AKAP10: variants seen among roughly 807,000 people sequenced by gnomAD.
AKAP10 encodes A-kinase anchor protein 10, mitochondrial.
AKAP10 carries 24 observed loss-of-function variants against 80.8 expected under a neutral mutation model. The observed-to-expected ratio is 0.30, with a 90% CI of 0.22 to 0.42. AKAP10 has a LOEUF of 0.42. AKAP10 is among the 10% of genes least tolerant of loss of function. The probability of loss-of-function intolerance (pLI) is 1.00; values close to 1 mark genes in which losing one functional copy is unlikely to be tolerated. For missense variants in AKAP10, 661 were observed against 794.9 expected (o/e 0.83, Z 2.03); for synonymous variants, 291 against 277.7 (o/e 1.05, Z -0.48).
chr17:19,956,789 G>A (rs2043281569), intron 4 of AKAP10, among the ~76,000 whole-genome samples: 2 of 151,496 alleles, frequency 1.3e-5, no homozygotes, highest in African/African-American at 4.9e-5. Context: ...TGGGTCACTT[G>A]AGGTCAGGAG....
At chr17:19,976,637 A>G (rs989435301) in intron 1 of AKAP10, among the ~76,000 whole-genome samples, 4 of 151,734 alleles carry the variant, frequency 2.6e-5, no homozygotes, top group African/African-American at 9.7e-5. Flanking sequence ...CTCCTGCTTC[A>G]GCCTCCCAAG....
At position 19,962,820 on chromosome 17, in the gene AKAP10, A is replaced by T; in HGVS notation, c.319+20T>A. On this transcript the variant is annotated intron_variant, in intron 3 of 14. Coordinates refer to ENST00000225737, the MANE Select transcript of AKAP10 (RefSeq NM_007202.4). ...TCAAATCCTTCTAATACAAGTTAAT[A>T]AAAAATGATAGTTACTTACCCAGGT... 6.2e-7 allele frequency: 1 copy of T among 1,604,914 alleles called. No homozygotes were observed.
chr17:19,946,791 C>T (rs2043137860), intron 5 of AKAP10, among the ~76,000 whole-genome samples: 2 of 151,410 alleles, frequency 1.3e-5, no homozygotes, highest in Admixed American at 1.3e-4. Context: ...ACAGAAATGA[C>T]ACTGTGTGTG....
rs1274129159 is a variant in AKAP10, at chr17:19,904,948, A to G, written c.*1279T>C. On this transcript the variant is annotated 3_prime_UTR_variant, in exon 15 of 15. Transcript: ENST00000225737. The stretch of plus-strand genomic sequence containing the variant: ...TGCCTCTATACAATCAAATATTGCA[A>G]TGGAATAAATTCTCTGTTCATTCAA... The G allele has an allele frequency of 2.0e-5, 3 of 151,582 alleles. No homozygotes were observed. Among genetic ancestry groups the G allele is most frequent in the Non-Finnish European group, 4.4e-5 (3 of 67,956 alleles). The allele number at this position is 151,582 out of a possible 1,614,324, so 9.4% of individuals were successfully genotyped here.
At chr17:19,937,975 CTTTTTTTTT>C (rs547191721) in intron 8 of AKAP10, among the ~76,000 whole-genome samples, 4 of 129,202 alleles carry the variant, frequency 3.1e-5, no homozygotes, top group African/African-American at 1.2e-4. Context: ...GACTGGAAAC[CTTTTTTTTT>C]TTTTTTTTTT....
Position 19,931,991 on chromosome 17 carries a change from A to G in AKAP10, c.1468-13T>C. 6.3e-7 allele frequency: 1 copy of G among 1,599,012 alleles called. No individual in the cohort carries two copies. Among genetic ancestry groups the G allele is most frequent in the Non-Finnish European group, 8.5e-7 (1 of 1,173,930 alleles). ...CAGGCAAAAAGACCTGATAGAGATG[A>G]AAAGCATTATTTTAAAGTTGAAATC... On this transcript the variant is annotated splice_polypyrimidine_tract_variant and intron_variant, in intron 9 of 14. Transcript: ENST00000225737.
intron 3 of AKAP10, among the ~76,000 whole-genome samples, chr17:19,961,524 T>C (rs533218161): frequency 4.6e-5 from 7 of 152,328 alleles, no homozygotes; most frequent in African/African-American, 1.4e-4. Flanking sequence ...CACAAACACA[T>C]TGACACTCTG....
intron 3 of AKAP10, 29 bp from the exon 4 acceptor site, chr17:19,958,600 G>A (rs769307984): frequency 1.9e-6 from 3 of 1,544,686 alleles, no homozygotes; most frequent in Non-Finnish European, 1.7e-6. Flanking sequence ...AGAATTAGCA[G>A]TTCAGCAACA....
intron 10 of AKAP10, 93 bp from the exon 11 acceptor site, chr17:19,924,610 G>T: frequency 1.5e-6 from 1 of 682,650 alleles, no homozygotes; most frequent in Non-Finnish European, 2.3e-6. Context: ...TTCAGTGTTT[G>T]AAATAGAAGT....
intron 4 of AKAP10, among the ~76,000 whole-genome samples, chr17:19,957,317 G>A (rs1255257902): frequency 2.0e-5 from 3 of 151,954 alleles, no homozygotes; most frequent in Non-Finnish European, 4.4e-5. Context: ...CGAGGCAGGC[G>A]GATCACAAAG....
intron 4 of AKAP10, among the ~76,000 whole-genome samples, chr17:19,956,133 A>G (rs774080749): frequency 1.3e-5 from 2 of 152,170 alleles, no homozygotes; most frequent in East Asian, 1.9e-4. Flanking sequence ...ATCAAACACC[A>G]TATTTCTACA....
At chr17:19,961,900 G>A (rs1476751814) in intron 3 of AKAP10, among the ~76,000 whole-genome samples, 1 of 152,124 alleles carries the variant, frequency 6.6e-6, no homozygotes, top group Non-Finnish European at 1.5e-5. Flanking sequence ...AGAATTGCTT[G>A]AGGCCAGGAG....
intron 2 of AKAP10, among the ~76,000 whole-genome samples, chr17:19,963,861 C>G (rs1029099011): frequency 5.9e-5 from 9 of 151,354 alleles, no homozygotes; most frequent in Non-Finnish European, 1.2e-4. Context: ...GCACCACTGC[C>G]CTCCAGCCTG....
chr17:19,956,741 A>G (rs1314816945), intron 4 of AKAP10, among the ~76,000 whole-genome samples: 1 of 152,092 alleles, frequency 6.6e-6, no homozygotes, highest in Non-Finnish European at 1.5e-5. Context: ...GTGGTGATTC[A>G]TGCCTGTAAT....
intron 12 of AKAP10, among the ~76,000 whole-genome samples, chr17:19,910,678 T>C (rs977623860): frequency 1.3e-5 from 2 of 152,178 alleles, no homozygotes; most frequent in Non-Finnish European, 2.9e-5. Flanking sequence ...TAGCAATACA[T>C]TGGGAGACAC....
At chr17:19,965,981 C>T (rs1247701505) in intron 2 of AKAP10, among the ~76,000 whole-genome samples, 1 of 151,916 alleles carries the variant, frequency 6.6e-6, no homozygotes, top group Admixed American at 6.6e-5. Context: ...GGTTAATGAG[C>T]TAGTAAACAG....
intron 4 of AKAP10, among the ~76,000 whole-genome samples, chr17:19,950,340 ATGCCACCAAAGTTGTGAAAGCCGAGGC>A (rs1667463985): frequency 6.6e-6 from 1 of 152,238 alleles, no homozygotes; most frequent in Non-Finnish European, 1.5e-5. Flanking sequence ...TCTCCCTCTG[ATGCCACCAAAGTTGTGAAAGCCGAGGC>A]TGGACTGTAC....
At chr17:19,936,175 G>T in intron 9 of AKAP10, 111 bp downstream of exon 9, 1 of 1,266,466 alleles carries the variant, frequency 7.9e-7, no homozygotes, top group Non-Finnish European at 1.1e-6. Context: ...TCACTTTGCT[G>T]GACTGCTTCA....
At chr17:19,963,643 G>A (rs960985261) in intron 2 of AKAP10, among the ~76,000 whole-genome samples, 1 of 151,972 alleles carries the variant, frequency 6.6e-6, no homozygotes, top group Non-Finnish European at 1.5e-5. Flanking sequence ...GCCTGCAATC[G>A]CAGTACTTTG....
Sources: allele counts gnomAD v4.1 joint callset (sites outside exome capture counted in the v4.1 genomes callset), GRCh38; gene constraint gnomAD v4.1.1; transcripts MANE v1.5; gene names NCBI Gene and HGNC (gene_info 2026-07-23, HGNC 2026-07-21).